Variants in DLGAP2 observed in about 807,000 individuals in gnomAD.
DLGAP2 encodes the protein DLG associated protein 2, also known as disks large-associated protein 2.
DLGAP2 carries 26 observed loss-of-function variants against 100.3 expected under a neutral mutation model. That is an observed-to-expected ratio of 0.26 (90% CI 0.19 to 0.36). The LOEUF is 0.36. Ranked by LOEUF, DLGAP2 falls within the 10% of genes least tolerant of loss-of-function variation. The pLI, the probability that DLGAP2 is intolerant of heterozygous loss-of-function variation, is 1.00. For synonymous variants in DLGAP2, 886 were observed against 630.1 expected, an observed-to-expected ratio of 1.41 and a Z score of -6.08; for missense variants, 1,858 against 1,453.2, an observed-to-expected ratio of 1.28 and a Z score of -4.53.
chr8:776,081 G>C lies in DLGAP2; in HGVS notation c.18+38256G>C, dbSNP rs948605650. 5.3e-5 allele frequency among the ~76,000 whole-genome samples: 8 copies of C among 152,230 alleles called. No homozygotes were observed. In the East Asian group the frequency reaches 5.8e-4, roughly 11 times the overall value. On this transcript the variant is annotated intron_variant, in intron 1 of 14. Transcript: ENST00000637795. ...GCTTCTTCCTGGTTTAGTCTTGGGA[G>C]AGTGTATGTGTTGAGGAATTTATCC...
rs1563224499 is a variant in DLGAP2 at position 1,164,326 on chromosome 8, A to AGGGCCTGTCGTTTTGGTTTGTGGG, written c.74-94524_74-94523insGGCCTGTCGTTTTGGTTTGTGGGG. ...AGGGTTTGTTTTTGTTTGTGGGGAC[A>AGGGCCTGTCGTTTTGGTTTGTGGG]GATTTTTCTGTGAGCCCGCAGGGCC... On this transcript the variant is annotated intron_variant, in intron 2 of 14. Coordinates refer to ENST00000637795, the MANE Select transcript of DLGAP2 (RefSeq NM_001346810.2). Among the ~76,000 whole-genome samples the AGGGCCTGTCGTTTTGGTTTGTGGG allele has an allele frequency of 3.7e-3, 287 of 77,784 alleles. 2 individuals are homozygous for AGGGCCTGTCGTTTTGGTTTGTGGG. The highest frequency in any genetic ancestry group is 7.2e-3 in the African/African-American group (180 of 24,946). 51.0% of individuals were successfully genotyped at this position (77,784 alleles called of 152,430 possible).
At chr8:838,181 C>T (rs1796916880) in intron 1 of DLGAP2, among the ~76,000 whole-genome samples, 1 of 152,066 alleles carries the variant, frequency 6.6e-6, no homozygotes, top group African/African-American at 2.4e-5. Context: ...GGGATGCTGG[C>T]ATCGTACTTC....
chr8:1,616,573 A>G (rs912136402), intron 6 of DLGAP2, among the ~76,000 whole-genome samples: 2 of 152,236 alleles, frequency 1.3e-5, no homozygotes, highest in Non-Finnish European at 2.9e-5. Flanking sequence ...GGGAGCCAGA[A>G]GACAATGGAA....
intron 2 of DLGAP2, among the ~76,000 whole-genome samples, chr8:1,131,502 C>G (rs1007045381): frequency 6.6e-6 from 1 of 152,294 alleles, no homozygotes; most frequent in African/African-American, 2.4e-5. Flanking sequence ...TTCTCCACCA[C>G]CCACATAACC....
intron 1 of DLGAP2, among the ~76,000 whole-genome samples, chr8:899,188 C>T (rs1482167340): frequency 6.6e-6 from 1 of 152,214 alleles, no homozygotes; most frequent in Non-Finnish European, 1.5e-5. Flanking sequence ...CCAACCTGCT[C>T]CCATAGTGCG....
intron 12 of DLGAP2, among the ~76,000 whole-genome samples, chr8:1,683,819 C>A (rs1554430736): frequency 1.1e-5 from 1 of 94,482 alleles, no homozygotes. Context: ...CCTGATTTTC[C>A]TTGTCTTTGC....
intron 2 of DLGAP2, among the ~76,000 whole-genome samples, chr8:1,091,683 G>C (rs1804186942): frequency 6.6e-6 from 1 of 152,126 alleles, no homozygotes; most frequent in African/African-American, 2.4e-5. Context: ...ATCATGAGTT[G>C]GTGAAGCAGT....
At chr8:907,544 T>C (rs1187579996) in intron 1 of DLGAP2, among the ~76,000 whole-genome samples, 1 of 152,212 alleles carries the variant, frequency 6.6e-6, no homozygotes, top group Non-Finnish European at 1.5e-5. Context: ...ATTTCCAGGC[T>C]CTAATTGCGC....
At chr8:1,314,723 G>C (rs1335446087) in intron 3 of DLGAP2, among the ~76,000 whole-genome samples, 1 of 152,210 alleles carries the variant, frequency 6.6e-6, no homozygotes, top group African/African-American at 2.4e-5. Flanking sequence ...TCCTGCTCCG[G>C]AGGTCGAGGA....
At chr8:1,199,022 G>A (rs1293158731) in intron 2 of DLGAP2, among the ~76,000 whole-genome samples, 1 of 152,262 alleles carries the variant, frequency 6.6e-6, no homozygotes, top group Non-Finnish European at 1.5e-5. Context: ...ATGCAGCAGA[G>A]GTCGCGTGGT....
chr8:1,417,425 C>T (rs1328620538), intron 3 of DLGAP2, among the ~76,000 whole-genome samples: 2 of 152,184 alleles, frequency 1.3e-5, no homozygotes, highest in Admixed American at 1.3e-4. Flanking sequence ...TGAAGCAAAC[C>T]TTGTTTTTCT....
intron 1 of DLGAP2, among the ~76,000 whole-genome samples, chr8:766,619 A>G (rs918681771): frequency 6.6e-6 from 1 of 152,204 alleles, no homozygotes; most frequent in East Asian, 1.9e-4. Flanking sequence ...AAGCACGCAC[A>G]TGCATGATAC....
intron 2 of DLGAP2, among the ~76,000 whole-genome samples, chr8:1,216,077 A>T (rs938255472): frequency 4.6e-5 from 7 of 152,134 alleles, no homozygotes; most frequent in African/African-American, 1.7e-4. Flanking sequence ...TCCAAGTTTG[A>T]ATTACTTCTA....
chr8:809,250 G>T (rs138931350), intron 1 of DLGAP2, among the ~76,000 whole-genome samples: 2 of 152,118 alleles, frequency 1.3e-5, no homozygotes, highest in Admixed American at 6.5e-5. Context: ...GTATTAGCAC[G>T]TGGGCACACT....
At chr8:1,605,303 G>A (rs150436908) in intron 6 of DLGAP2, among the ~76,000 whole-genome samples, 265 of 152,242 alleles carry the variant, frequency 1.7e-3, no homozygotes, top group Non-Finnish European at 3.2e-3. Context: ...AATTTGAGCC[G>A]AAGATGGTTA....
intron 4 of DLGAP2, among the ~76,000 whole-genome samples, chr8:1,523,015 G>A (rs987635088): frequency 6.6e-6 from 1 of 152,184 alleles, no homozygotes; most frequent in African/African-American, 2.4e-5. Flanking sequence ...AGGACCAGGG[G>A]CAGCTGGAGA....
chr8:771,147 G>A (rs1246083489), intron 1 of DLGAP2, among the ~76,000 whole-genome samples: 3 of 152,138 alleles, frequency 2.0e-5, no homozygotes, highest in Non-Finnish European at 4.4e-5. Context: ...CCTAATTTAT[G>A]TCAGTGATTG....
intron 2 of DLGAP2, among the ~76,000 whole-genome samples, chr8:1,130,217 C>G (rs184125169): frequency 6.6e-6 from 1 of 152,274 alleles, no homozygotes; most frequent in African/African-American, 2.4e-5. Flanking sequence ...GCGTTATTGA[C>G]AAACGCACTC....
chr8:1,134,126 A>G (rs1356500776), intron 2 of DLGAP2, among the ~76,000 whole-genome samples: 1 of 152,158 alleles, frequency 6.6e-6, no homozygotes, highest in Non-Finnish European at 1.5e-5. Flanking sequence ...TTCACTGAGG[A>G]TAATGGCCTC....
Sources: gnomAD v4.1 joint callset for allele counts (sites outside exome capture counted in the v4.1 genomes callset) on GRCh38, gnomAD v4.1.1 for gene constraint, MANE v1.5 for transcripts, NCBI Gene and HGNC (gene_info 2026-07-23, HGNC 2026-07-21) for gene names.